The following FHIT variants were observed in gnomAD, a reference collection of about 807,000 sequenced individuals.
The protein encoded by FHIT is fragile histidine triad diadenosine triphosphatase.
A neutral mutation model predicts 17.9 loss-of-function variants in FHIT; 19 were observed. The ratio of observed to expected loss-of-function variants is 1.06; its 90% CI spans 0.74 to 1.56. The LOEUF is 1.56. Among genes scored for constraint, FHIT ranks in the 40% most tolerant of loss-of-function variants. The probability of loss-of-function intolerance (pLI) is 0.00; values close to 1 mark genes in which losing one functional copy is unlikely to be tolerated. For synonymous variants in FHIT, 81 were observed against 69.7 expected (o/e 1.16, Z -0.81); for missense variants, 248 against 189.2 (o/e 1.31, Z -1.82).
chr3:59,948,665 C>G (rs1026944570), intron 7 of FHIT, among the ~76,000 whole-genome samples: 6 of 151,896 alleles, frequency 4.0e-5, no homozygotes, highest in South Asian at 2.1e-4. Flanking sequence ...AAAAATTGTC[C>G]TAATGTATGC....
intron 5 of FHIT, among the ~76,000 whole-genome samples, chr3:60,364,247 T>C (rs148906938): frequency 1.4e-3 from 206 of 152,348 alleles, no homozygotes; most frequent in Non-Finnish European, 2.4e-3. Flanking sequence ...GTGTGTGTAC[T>C]CCATGCTGCT....
At chr3:60,437,558 T>G (rs1025925322) in intron 5 of FHIT, among the ~76,000 whole-genome samples, 1 of 152,112 alleles carries the variant, frequency 6.6e-6, no homozygotes, top group Non-Finnish European at 1.5e-5. Context: ...AGAGATTACA[T>G]GCATCATCTC....
At chr3:60,936,192 T>C (rs1233584875) in intron 3 of FHIT, among the ~76,000 whole-genome samples, 2 of 152,216 alleles carry the variant, frequency 1.3e-5, no homozygotes, top group Non-Finnish European at 2.9e-5. Flanking sequence ...CATCAAGGGT[T>C]CCACTTTTAA....
rs552804405 is a variant in FHIT at position 60,613,579 on chromosome 3, C to T, written c.-17-76600G>A. On this transcript the variant is annotated intron_variant, in intron 4 of 9. Transcript: ENST00000492590. ...TTCTTTTCTCCTCCCTCCAGCCCTT[C>T]CCTCCTTCCTATATGCTCCATTTTC... 2.6e-5 allele frequency among the ~76,000 whole-genome samples: 4 copies of T among 152,190 alleles called. No individual in the cohort carries two copies. In the South Asian group the frequency reaches 8.3e-4, roughly 32 times the overall value.
intron 4 of FHIT, among the ~76,000 whole-genome samples, chr3:60,567,527 A>T (rs531327285): frequency 6.6e-6 from 1 of 152,196 alleles, no homozygotes; most frequent in Admixed American, 6.5e-5. Context: ...AGGCAATACC[A>T]TTCAGGACAT....
chr3:59,977,781 A>G (rs1264917291), intron 7 of FHIT, among the ~76,000 whole-genome samples: 5 of 152,162 alleles, frequency 3.3e-5, no homozygotes. Context: ...AAAAGACTTA[A>G]ACACAAAAAA....
intron 5 of FHIT, among the ~76,000 whole-genome samples, chr3:60,299,706 T>C (rs938044642): frequency 1.3e-5 from 2 of 152,060 alleles, no homozygotes; most frequent in Admixed American, 6.6e-5. Context: ...TACCACCCAC[T>C]GGATATGAGA....
chr3:59,879,621 C>A (rs1703314256), intron 8 of FHIT, among the ~76,000 whole-genome samples: 1 of 151,978 alleles, frequency 6.6e-6, no homozygotes, highest in East Asian at 1.9e-4. Flanking sequence ...CCACACAGCC[C>A]CAAACAAAAC....
At chr3:60,346,270 T>C (rs6802584) in intron 5 of FHIT, among the ~76,000 whole-genome samples, 24,840 of 152,256 alleles carry the variant, frequency 0.16, 2,131 homozygotes, top group African/African-American at 0.2. Context: ...TTTTGCTACC[T>C]ATAAGAGTAG....
rs563695019 is a variant in FHIT, at chr3:60,721,731, T to C, written c.-18+100188A>G. On this transcript the variant is annotated intron_variant, in intron 4 of 9. Coordinates refer to ENST00000492590, the MANE Select transcript of FHIT (RefSeq NM_002012.4). The stretch of plus-strand genomic sequence containing the variant: ...CAGCCAAATGAGAATACACAGATAA[T>C]GACAATTTTACAATAAGTGGTTCCA... 2.6e-5 allele frequency among the ~76,000 whole-genome samples: 4 copies of C among 152,234 alleles called. No individual in the cohort carries two copies. In the South Asian group the frequency reaches 8.3e-4, roughly 32 times the overall value.
At chr3:59,881,452 A>C (rs1015523051) in intron 8 of FHIT, among the ~76,000 whole-genome samples, 2 of 152,204 alleles carry the variant, frequency 1.3e-5, no homozygotes, top group African/African-American at 4.8e-5. Context: ...GGGCTTCACT[A>C]TTCCTATAAG....
intron 5 of FHIT, among the ~76,000 whole-genome samples, chr3:60,459,367 A>G (rs1576691406): frequency 6.6e-6 from 1 of 152,244 alleles, no homozygotes; most frequent in East Asian, 1.9e-4. Context: ...AATGTCAAAG[A>G]TCAATTAACT....
chr3:60,696,216 A>G (rs2041110948), intron 4 of FHIT, among the ~76,000 whole-genome samples: 1 of 152,178 alleles, frequency 6.6e-6, no homozygotes, highest in Non-Finnish European at 1.5e-5. Flanking sequence ...CAAAACACTG[A>G]ATGTTTTTAT....
chr3:60,089,739 G>T (rs953787296), intron 5 of FHIT, among the ~76,000 whole-genome samples: 1 of 152,150 alleles, frequency 6.6e-6, no homozygotes, highest in Non-Finnish European at 1.5e-5. Flanking sequence ...CTAGCATCTT[G>T]TTTCTGATGA....
intron 5 of FHIT, among the ~76,000 whole-genome samples, chr3:60,053,029 G>A (rs554227600): frequency 4.6e-5 from 7 of 151,822 alleles, no homozygotes; most frequent in African/African-American, 1.4e-4. Flanking sequence ...GCTCTGCATT[G>A]TTCCCCATGC....
chr3:60,575,015 G>A (rs2037518711), intron 4 of FHIT, among the ~76,000 whole-genome samples: 1 of 152,098 alleles, frequency 6.6e-6, no homozygotes, highest in Non-Finnish European at 1.5e-5. Context: ...CAAGAATAGA[G>A]ATGATAGGCA....
chr3:60,712,224 T>A (rs1347160878), intron 4 of FHIT, among the ~76,000 whole-genome samples: 1 of 152,072 alleles, frequency 6.6e-6, no homozygotes, highest in Non-Finnish European at 1.5e-5. Flanking sequence ...GACAAGCAAA[T>A]GCTGAGAGAT....
At chr3:59,757,144 C>A (rs1195011448) in intron 8 of FHIT, among the ~76,000 whole-genome samples, 1 of 152,102 alleles carries the variant, frequency 6.6e-6, no homozygotes, top group Non-Finnish European at 1.5e-5. Context: ...CCTTCTGATG[C>A]AACAACAATA....
chr3:61,166,706 G>A (rs1198603934), intron 2 of FHIT, among the ~76,000 whole-genome samples: 1 of 152,162 alleles, frequency 6.6e-6, no homozygotes. Context: ...CGTCTTTCCT[G>A]CTTCCAAAAT....
Sources: allele counts gnomAD v4.1 joint callset (sites outside exome capture counted in the v4.1 genomes callset), GRCh38; gene constraint gnomAD v4.1.1; transcripts MANE v1.5; gene names NCBI Gene and HGNC (gene_info 2026-07-23, HGNC 2026-07-21).